Variants in NRG1 observed in about 807,000 individuals in gnomAD.
The protein encoded by NRG1 is neuregulin 1.
NRG1 carries 18 observed loss-of-function variants against 63.8 expected under a neutral mutation model. That is an observed-to-expected ratio of 0.28 (90% CI 0.19 to 0.42). The LOEUF is 0.42. Ranked by LOEUF, NRG1 falls within the 10% of genes least tolerant of loss-of-function variation. The probability of loss-of-function intolerance (pLI) is 1.00; values close to 1 mark genes in which losing one functional copy is unlikely to be tolerated. For synonymous variants in NRG1, 302 were observed against 301.3 expected, an observed-to-expected ratio of 1.00 and a Z score of -0.02; for missense variants, 762 against 814.7, an observed-to-expected ratio of 0.94 and a Z score of 0.79.
intron 1 of NRG1, among the ~76,000 whole-genome samples, chr8:32,583,333 G>A (rs895945008): frequency 6.6e-6 from 1 of 152,108 alleles, no homozygotes; most frequent in Non-Finnish European, 1.5e-5. Context: ...GAGATTCAGA[G>A]TAATTTTGTG....
chr8:31,954,171 T>C (rs146137095), intron 1 of NRG1, among the ~76,000 whole-genome samples: 5,867 of 152,254 alleles, frequency 0.039, 182 homozygotes, highest in Middle Eastern at 0.058. Context: ...AGTAGAATGA[T>C]AAAATCACAG....
Position 32,494,198 on chromosome 8 carries a change from A to G in NRG1, c.38-101630A>G, listed in dbSNP as rs117900444. 1.3e-3 allele frequency among the ~76,000 whole-genome samples: 201 copies of G among 152,296 alleles called. 6 individuals carry two copies. The East Asian group carries it at 0.031, about 24-fold the overall frequency. On this transcript the variant is annotated intron_variant, in intron 1 of 10. Coordinates refer to the NRG1 transcript ENST00000519301. ...ATTTATAAGCATCCCTTTAAAATTT[A>G]CTTCTCTTTCTGATGATAAAAGTAA...
intron 5 of NRG1, among the ~76,000 whole-genome samples, chr8:32,703,706 A>G (rs1815586641): frequency 6.6e-6 from 1 of 152,230 alleles, no homozygotes; most frequent in Non-Finnish European, 1.5e-5. Flanking sequence ...AGGAAAATTT[A>G]ACAAAGCATT....
At chr8:32,366,440 A>C (rs980821067) in intron 1 of NRG1, among the ~76,000 whole-genome samples, 1 of 151,922 alleles carries the variant, frequency 6.6e-6, no homozygotes, top group African/African-American at 2.4e-5. Context: ...GAGTGAGAAC[A>C]TGCAATATTT....
At chr8:32,407,467 G>A (rs1814243425) in intron 1 of NRG1, among the ~76,000 whole-genome samples, 1 of 151,600 alleles carries the variant, frequency 6.6e-6, no homozygotes, top group African/African-American at 2.4e-5. Context: ...GAACATATTA[G>A]GTGAGTCAAT....
intron 1 of NRG1, among the ~76,000 whole-genome samples, chr8:31,927,563 C>G (rs1255149878): frequency 6.8e-6 from 1 of 148,136 alleles, no homozygotes; most frequent in East Asian, 2.0e-4. Context: ...ATTCTCCTGC[C>G]TCAGCCTCCC....
rs372473636 is a variant in NRG1, at chr8:31,712,934, GAATC to G, written c.37+73525_37+73528del. 3.6e-3 allele frequency among the ~76,000 whole-genome samples: 552 copies of G among 151,274 alleles called. 4 individuals are homozygous for G. Among genetic ancestry groups the G allele is most frequent in the African/African-American group, 0.012 (504 of 41,222 alleles). On this transcript the variant is annotated intron_variant, in intron 1 of 10. Transcript: ENST00000519301. ...CTTCTTCAATCTGTCTGTCTATTAT[GAATC>G]AATCAATCAATCAATCAATCAGTCA...
chr8:31,978,507 G>A (rs1298607234), intron 1 of NRG1, among the ~76,000 whole-genome samples: 1 of 151,986 alleles, frequency 6.6e-6, no homozygotes, highest in Non-Finnish European at 1.5e-5. Context: ...CTATTTTCAT[G>A]TCTTTCTACT....
At chr8:32,570,234 A>G (rs1010713352) in intron 1 of NRG1, among the ~76,000 whole-genome samples, 3 of 152,084 alleles carry the variant, frequency 2.0e-5, no homozygotes, top group African/African-American at 7.2e-5. Context: ...TATATTTTCT[A>G]TATAACATGC....
intron 1 of NRG1, among the ~76,000 whole-genome samples, chr8:31,796,506 C>T (rs1334140860): frequency 1.6e-5 from 2 of 126,744 alleles, no homozygotes; most frequent in African/African-American, 5.8e-5. Context: ...TATCTCAGCT[C>T]ACTGCAAGCT....
chr8:32,666,142 A>AT (rs1804103515), intron 5 of NRG1, among the ~76,000 whole-genome samples: 1 of 152,120 alleles, frequency 6.6e-6, no homozygotes, highest in South Asian at 2.1e-4. Context: ...AGAAGGCTAC[A>AT]TTTTTCCATT....
intron 1 of NRG1, among the ~76,000 whole-genome samples, chr8:32,482,064 C>T (rs1041480121): frequency 3.9e-5 from 6 of 152,232 alleles, no homozygotes; most frequent in East Asian, 1.9e-4. Flanking sequence ...CAAATGATGA[C>T]GCTGTATGAG....
intron 1 of NRG1, among the ~76,000 whole-genome samples, chr8:31,945,235 C>T (rs1350396176): frequency 1.3e-5 from 2 of 152,138 alleles, no homozygotes; most frequent in Non-Finnish European, 2.9e-5. Flanking sequence ...ACTATGCAGG[C>T]TGAATTCTCT....
intron 1 of NRG1, among the ~76,000 whole-genome samples, chr8:31,734,827 C>T (rs1814490444): frequency 6.6e-6 from 1 of 152,142 alleles, no homozygotes; most frequent in South Asian, 2.1e-4. Flanking sequence ...ACCCTCCTCT[C>T]CTGTTTTTTT....
chr8:31,988,705 G>A (rs1810507460), intron 1 of NRG1, among the ~76,000 whole-genome samples: 1 of 152,080 alleles, frequency 6.6e-6, no homozygotes, highest in Non-Finnish European at 1.5e-5. Flanking sequence ...ACTAGATATG[G>A]CAGCTGCAGT....
intron 1 of NRG1, among the ~76,000 whole-genome samples, chr8:32,467,754 G>A (rs79375508): frequency 2.8e-3 from 419 of 152,330 alleles, no homozygotes; most frequent in Non-Finnish European, 4.6e-3. Context: ...CAGTCAGAGG[G>A]TGATGACAGC....
intron 1 of NRG1, among the ~76,000 whole-genome samples, chr8:32,248,453 A>T (rs1436286905): frequency 6.6e-6 from 1 of 152,118 alleles, no homozygotes; most frequent in Non-Finnish European, 1.5e-5. Flanking sequence ...TCTATAGCAT[A>T]TAGAAACAAA....
intron 1 of NRG1, among the ~76,000 whole-genome samples, chr8:31,863,866 CCATGTCAAAGTAGCCAGCAATCG>C (rs1828703684): frequency 6.6e-6 from 1 of 152,162 alleles, no homozygotes; most frequent in Admixed American, 6.5e-5. Context: ...ATGGGCATAC[CCATGTCAAAGTAGCCAGCAATCG>C]CTATTCTAAG....
chr8:32,349,609 A>C (rs529175871), intron 1 of NRG1, among the ~76,000 whole-genome samples: 1 of 152,364 alleles, frequency 6.6e-6, no homozygotes, highest in African/African-American at 2.4e-5. Context: ...AAGAAGAATG[A>C]GAAATCCTCG....
Sources: allele counts gnomAD v4.1 joint callset (sites outside exome capture counted in the v4.1 genomes callset), GRCh38; gene constraint gnomAD v4.1.1; transcripts MANE v1.5; gene names NCBI Gene and HGNC (gene_info 2026-07-23, HGNC 2026-07-21).